The following SHPK variants were observed in gnomAD, a reference collection of about 807,000 sequenced individuals.
The protein encoded by SHPK is sedoheptulokinase, also known as carbohydrate kinase-like protein.
SHPK carries 51 observed loss-of-function variants against 46.3 expected under a neutral mutation model. The ratio of observed to expected loss-of-function variants is 1.10; its 90% confidence interval spans 0.88 to 1.39. The LOEUF is 1.39. SHPK is among the 40% of genes most tolerant of loss of function. SHPK has a pLI of 0.00. For missense variants in SHPK, 668 were observed against 641.3 expected (o/e 1.04, Z -0.45); for synonymous variants, 290 against 273.9 (o/e 1.06, Z -0.58).
intron 6 of SHPK, 38 bp from the exon 7 acceptor site, chr17:3,611,010 TC>T: frequency 1.3e-6 from 2 of 1,550,088 alleles, no homozygotes; most frequent in Admixed American, 1.7e-5. Context: ...AGCTCATGCG[TC>T]CCCCTCAGTG....
At chr17:3,628,345 C>T (rs1357725754) in intron 2 of SHPK, among the ~76,000 whole-genome samples, 7 of 147,268 alleles carry the variant, frequency 4.8e-5, no homozygotes, top group African/African-American at 7.5e-5. Context: ...TTTTTTGAGA[C>T]GAAGTCTTGT....
At chr17:3,630,396 G>A (rs1226532880) in intron 1 of SHPK, 50 bp from the exon 2 acceptor site, 2 of 1,551,492 alleles carry the variant, frequency 1.3e-6, no homozygotes, top group Non-Finnish European at 1.7e-6. Context: ...CAGGCAGGGG[G>A]AGGGGCGCAG....
rs373973232 is a variant in SHPK, at chr17:3,630,511, T to C, written c.169-165A>G. Among the ~76,000 whole-genome samples the C allele has an allele frequency of 5.2e-4, 79 of 152,334 alleles. No homozygotes were observed. In the South Asian group the frequency reaches 0.011, roughly 22 times the overall value. On this transcript the variant is annotated intron_variant, in intron 1 of 6. Coordinates refer to ENST00000225519, the MANE Select transcript of SHPK (RefSeq NM_013276.4). ...TGAGTTGCAGCAAACTGCCTGGGCC[T>C]GCCCTCCACTGGGGTCAGACTCAGC... is the stretch of plus-strand genomic sequence containing the variant.
At chr17:3,626,951 G>A (rs570035366) in intron 2 of SHPK, among the ~76,000 whole-genome samples, 147 of 152,102 alleles carry the variant, frequency 9.7e-4, no homozygotes, top group Non-Finnish European at 1.5e-3. Context: ...GCCAACTCTC[G>A]ACATTACGGA....
chr17:3,624,617 T>C (rs916043493), intron 2 of SHPK, among the ~76,000 whole-genome samples: 6 of 152,128 alleles, frequency 3.9e-5, no homozygotes, highest in African/African-American at 1.4e-4. Flanking sequence ...TTTTCTCTTT[T>C]CCTTAGTTCT....
intron 1 of SHPK, among the ~76,000 whole-genome samples, chr17:3,634,856 T>C (rs1171544923): frequency 6.6e-6 from 1 of 151,956 alleles, no homozygotes. Flanking sequence ...ACCGTGTCCA[T>C]GTATGTGGCA....
intron 1 of SHPK, among the ~76,000 whole-genome samples, chr17:3,631,642 C>G (rs2075473129): frequency 6.9e-6 from 1 of 145,980 alleles, no homozygotes; most frequent in Admixed American, 7.3e-5. Context: ...CCTGCCTTAG[C>G]CTCCGGAGTA....
At chr17:3,623,980 A>G in intron 3 of SHPK, 68 bp downstream of exon 3, 1 of 1,461,038 alleles carries the variant, frequency 6.8e-7, no homozygotes, top group Non-Finnish European at 9.4e-7. Flanking sequence ...GGTGATGCTG[A>G]CGCAGCCCCG....
At chr17:3,616,010 C>T (rs753066330) in intron 5 of SHPK, among the ~76,000 whole-genome samples, 5 of 152,072 alleles carry the variant, frequency 3.3e-5, no homozygotes, top group East Asian at 1.9e-4. Context: ...CCCACTACCA[C>T]GCCTGGCTAA....
chr17:3,611,677 G>A (rs1208399232), intron 6 of SHPK, among the ~76,000 whole-genome samples: 1 of 152,042 alleles, frequency 6.6e-6, no homozygotes, highest in Non-Finnish European at 1.5e-5. Context: ...CCCTCGTTAT[G>A]TGCACAGGGC....
intron 1 of SHPK, among the ~76,000 whole-genome samples, chr17:3,632,854 A>T (rs1040264196): frequency 6.6e-6 from 1 of 152,168 alleles, no homozygotes; most frequent in Non-Finnish European, 1.5e-5. Context: ...TTGTATTTTA[A>T]ATGGGCAAAT....
intron 1 of SHPK, among the ~76,000 whole-genome samples, chr17:3,635,281 G>A (rs1197202495): frequency 2.7e-5 from 4 of 150,208 alleles, no homozygotes; most frequent in Admixed American, 6.6e-5. Flanking sequence ...TGTCACCCAG[G>A]CTGGAGTGCA....
At chr17:3,623,520 C>T (rs372971585) in intron 3 of SHPK, 29 bp from the exon 4 acceptor site, 15 of 1,611,782 alleles carry the variant, frequency 9.3e-6, no homozygotes, top group African/African-American at 6.7e-5. Context: ...ACAACCAACA[C>T]GGTATAACAT....
chr17:3,636,127 C>A lies in SHPK; in HGVS notation c.93G>T (p.Gly31=). 1 of 1,611,070 alleles carries A rather than the reference C, an allele frequency of 6.2e-7. No individual in the cohort carries two copies. The highest frequency in any genetic ancestry group is 8.5e-7 in the Non-Finnish European group (1 of 1,178,746). ...LLRAAPDDPS[G]FAVLASCARA... Reference sequence around the variant, plus strand: ...GGGCACAGCTCGCCAGCACTGCGAACCCGGATGGGTCGTCGGGCGCGGCCC... The same window carrying A: ...GGGCACAGCTCGCCAGCACTGCGAAACCGGATGGGTCGTCGGGCGCGGCCC... Residue 31 remains glycine (G), a synonymous_variant, in exon 1 of 7, where the codon GGG becomes GGT. Coordinates refer to ENST00000225519, the MANE Select transcript of SHPK (RefSeq NM_013276.4).
At position 3,608,632 on chromosome 17, in the gene SHPK, A is replaced by C. The variant is rs1026848003; in HGVS notation, c.*1928T>G. On this transcript the variant is annotated 3_prime_UTR_variant, in exon 7 of 7. Transcript: ENST00000225519. ...GAAGAATTTTCCATTTAATATTGTCAGACCGTGGTTGACCGCAGATAACTG... is the reference window on the plus strand; with the variant it reads ...GAAGAATTTTCCATTTAATATTGTCCGACCGTGGTTGACCGCAGATAACTG... 6.6e-6 allele frequency: 1 copy of C among 152,246 alleles called. No homozygotes were observed. The highest frequency in any genetic ancestry group is 6.5e-5 in the Admixed American group (1 of 15,282). The allele number at this position is 152,246 out of a possible 1,614,324, so 9.4% of individuals were successfully genotyped here. A position where few individuals can be genotyped will look rare whatever the true frequency, so the allele number is the denominator to read the frequency against.
chr17:3,633,534 A>C (rs1326681230), intron 1 of SHPK, among the ~76,000 whole-genome samples: 2 of 152,064 alleles, frequency 1.3e-5, no homozygotes, highest in African/African-American at 2.4e-5. Context: ...AACTCACAGC[A>C]GTGCTGTTTG....
intron 4 of SHPK, among the ~76,000 whole-genome samples, chr17:3,621,813 C>T (rs2075405379): frequency 6.6e-6 from 1 of 151,750 alleles, no homozygotes; most frequent in African/African-American, 2.4e-5. Flanking sequence ...CCACCATGCC[C>T]AGCTAATTTT....
At position 3,624,185 on chromosome 17, in the gene SHPK, T is replaced by G; in HGVS notation, c.357A>C (p.Arg119=). The change falls in exon 3 of 7, where the codon CGA becomes CGC. Residue 119 remains arginine (R), a synonymous_variant. Coordinates refer to ENST00000225519, the MANE Select transcript of SHPK (RefSeq NM_013276.4). ...GCCACGTGACCAGGTGGCTAACAGC[T>G]CGGGGCTCGAACACCGGGGTAATCC... ...EGGITPVFEP[R]AVSHLVTWQD... 1 of 1,614,012 alleles carries G rather than the reference T, an allele frequency of 6.2e-7. No individual in the cohort carries two copies.
At chr17:3,635,760 T>C (rs1385956473) in intron 1 of SHPK, among the ~76,000 whole-genome samples, 6 of 151,302 alleles carry the variant, frequency 4.0e-5, no homozygotes, top group Admixed American at 3.9e-4. Flanking sequence ...TCCTCCAAGG[T>C]CAGGGGACAG....
Sources: gnomAD v4.1 joint callset for allele counts (sites outside exome capture counted in the v4.1 genomes callset) on GRCh38, gnomAD v4.1.1 for gene constraint, MANE v1.5 for transcripts, NCBI Gene and HGNC (gene_info 2026-07-23, HGNC 2026-07-21) for gene names.